AXDND1: variants seen among roughly 807,000 people sequenced by gnomAD.
The protein encoded by AXDND1 is axonemal dynein light chain domain-containing protein 1.
In AXDND1, 110 loss-of-function variants were observed where a neutral mutation model predicts 137.5. That is an observed-to-expected ratio of 0.80 (90% CI 0.69 to 0.94). The LOEUF (loss-of-function observed/expected upper bound fraction) is 0.94, where lower values mean the gene tolerates loss of function less well. Among genes scored for constraint, AXDND1 ranks in the 40% least tolerant of loss-of-function variants. The probability of loss-of-function intolerance (pLI) is 0.00; values close to 1 mark genes in which losing one functional copy is unlikely to be tolerated. For missense variants in AXDND1, 1,191 were observed against 1,169.8 expected, an observed-to-expected ratio of 1.02 and a Z score of -0.26; for synonymous variants, 414 against 399.7, an observed-to-expected ratio of 1.04 and a Z score of -0.43.
chr1:179,403,264 A>G (rs1652391564), intron 11 of AXDND1, among the ~76,000 whole-genome samples: 1 of 152,214 alleles, frequency 6.6e-6, no homozygotes, highest in Admixed American at 6.5e-5. Context: ...TTGATATTGT[A>G]CATTTACATC....
At chr1:179,554,006 G>C (rs1265836019) in intron 25 of AXDND1, among the ~76,000 whole-genome samples, 1 of 150,802 alleles carries the variant, frequency 6.6e-6, no homozygotes, top group Non-Finnish European at 1.5e-5. Flanking sequence ...TCTGCCTCTC[G>C]GGTTCAAGCG....
At chr1:179,405,501 C>T (rs929866219) in intron 11 of AXDND1, among the ~76,000 whole-genome samples, 1 of 152,226 alleles carries the variant, frequency 6.6e-6, no homozygotes, top group African/African-American at 2.4e-5. Context: ...GCCACATCGT[C>T]TTCCATAATG....
chr1:179,386,990 A>C (rs1649326874), intron 9 of AXDND1, among the ~76,000 whole-genome samples: 1 of 152,050 alleles, frequency 6.6e-6, no homozygotes, highest in African/African-American at 2.4e-5. Context: ...CTAGAAGGTC[A>C]GTTTGGGTCT....
At chr1:179,395,761 A>G (rs1312701728) in intron 11 of AXDND1, among the ~76,000 whole-genome samples, 1 of 152,232 alleles carries the variant, frequency 6.6e-6, no homozygotes, top group Non-Finnish European at 1.5e-5. Context: ...GACATTCAGA[A>G]AAAGAAAGCA....
intron 9 of AXDND1, among the ~76,000 whole-genome samples, chr1:179,393,656 T>C (rs1650551019): frequency 6.6e-6 from 1 of 152,210 alleles, no homozygotes; most frequent in African/African-American, 2.4e-5. Context: ...TCAATAGTGT[T>C]TTGTAGTTTT....
At chr1:179,371,249 G>T (rs1668006829) in intron 4 of AXDND1, among the ~76,000 whole-genome samples, 1 of 152,050 alleles carries the variant, frequency 6.6e-6, no homozygotes. Context: ...GCAACATGGT[G>T]AAACCCTGTC....
chr1:179,489,900 C>A (rs2209925), intron 18 of AXDND1, among the ~76,000 whole-genome samples: 132,972 of 151,914 alleles, frequency 0.88, 58,292 homozygotes, highest in East Asian at 0.9. Flanking sequence ...GCCCACCACC[C>A]CGCCCGACTA....
chr1:179,462,877 C>G (rs1229086984), intron 16 of AXDND1, among the ~76,000 whole-genome samples: 1 of 152,084 alleles, frequency 6.6e-6, no homozygotes, highest in African/African-American at 2.4e-5. Context: ...AGGAATTTAT[C>G]CATTTCTTCT....
At chr1:179,537,906 C>G (rs1315827865) in intron 25 of AXDND1, among the ~76,000 whole-genome samples, 2 of 152,062 alleles carry the variant, frequency 1.3e-5, no homozygotes, top group Non-Finnish European at 2.9e-5. Flanking sequence ...TGACGTCTTC[C>G]TGGTTTAGTC....
intron 12 of AXDND1, among the ~76,000 whole-genome samples, chr1:179,415,906 A>G (rs747105622): frequency 7.2e-5 from 11 of 152,208 alleles, no homozygotes; most frequent in Non-Finnish European, 1.6e-4. Context: ...TAGGATAGAC[A>G]TCATCTAAAA....
intron 20 of AXDND1, among the ~76,000 whole-genome samples, chr1:179,507,417 A>G (rs1302353439): frequency 6.6e-6 from 1 of 152,214 alleles, no homozygotes; most frequent in African/African-American, 2.4e-5. Context: ...TCTGTTTCAT[A>G]GCGTGCAAAT....
intron 12 of AXDND1, among the ~76,000 whole-genome samples, chr1:179,425,518 G>A (rs1656414528): frequency 6.6e-6 from 1 of 152,068 alleles, no homozygotes; most frequent in Admixed American, 6.6e-5. Flanking sequence ...TATCTCTTCA[G>A]GCACTTGTGA....
rs143140956 is a variant in AXDND1 at position 179,496,540 on chromosome 1, G to A, written c.2388+3589G>A. Among the ~76,000 whole-genome samples, 184 of 151,874 alleles carry A rather than the reference G, an allele frequency of 1.2e-3. 2 individuals carry two copies. The highest frequency in any genetic ancestry group is 4.1e-3 in the African/African-American group (171 of 41,494). On this transcript the variant is annotated intron_variant, in intron 20 of 25. Coordinates refer to ENST00000367618, the MANE Select transcript of AXDND1 (RefSeq NM_144696.6). ...CCTTATTATTCTTTTAATAATTGTA[G>A]GATGTCCACTGTCTCATTCTGTTAT...
chr1:179,534,913 A>C lies in AXDND1; in HGVS notation c.2982A>C (p.Glu994Asp), dbSNP rs1206906446. ...TAAAAGAAGAAGAAGAACAACAAGA[A>C]GAAGAAGAAGTCAGGTCAGCAGAAA... Reference protein sequence around the residue: ...REVKEEEEQQEEEEVRSAENS... With the variant: ...REVKEEEEQQDEEEVRSAENS... Residue 994 changes from glutamate to aspartate, a missense_variant, in exon 25 of 26, where the codon GAA (glutamate) becomes GAC (aspartate). Transcript: ENST00000367618. 1 of 1,610,078 alleles carries C rather than the reference A, an allele frequency of 6.2e-7. No homozygotes were observed. The highest frequency in any genetic ancestry group is 8.5e-7 in the Non-Finnish European group (1 of 1,179,130).
chr1:179,379,696 T>C (rs898572062), intron 6 of AXDND1, among the ~76,000 whole-genome samples: 1 of 148,774 alleles, frequency 6.7e-6, no homozygotes. Context: ...CTGGGGAGGC[T>C]GAGGCAGGAG....
intron 25 of AXDND1, among the ~76,000 whole-genome samples, chr1:179,535,205 A>C (rs146678875): frequency 1.5e-4 from 23 of 152,218 alleles, no homozygotes; most frequent in South Asian, 4.2e-4. Flanking sequence ...TTTATTTACA[A>C]AACTGGCAAA....
chr1:179,366,663 C>T (rs1305261817), intron 2 of AXDND1, 57 bp downstream of exon 2: 5 of 1,421,836 alleles, frequency 3.5e-6, no homozygotes, highest in East Asian at 4.6e-5. Flanking sequence ...CAGAAATCAC[C>T]TTCCATTCAC....
intron 21 of AXDND1, among the ~76,000 whole-genome samples, chr1:179,521,892 C>T (rs1670096809): frequency 6.6e-6 from 1 of 151,664 alleles, no homozygotes; most frequent in African/African-American, 2.4e-5. Context: ...ATCCAGCTGT[C>T]AGTTCCTTTG....
intron 16 of AXDND1, among the ~76,000 whole-genome samples, chr1:179,465,561 C>T (rs7544684): frequency 1.3e-5 from 2 of 152,140 alleles, no homozygotes; most frequent in Non-Finnish European, 2.9e-5. Flanking sequence ...TTAGGCTACT[C>T]GGGGGTCATG....
Sources: allele counts gnomAD v4.1 joint callset (sites outside exome capture counted in the v4.1 genomes callset), GRCh38; gene constraint gnomAD v4.1.1; transcripts MANE v1.5; gene names NCBI Gene and HGNC (gene_info 2026-07-23, HGNC 2026-07-21).